CNGA3: variants seen among roughly 807,000 people sequenced by gnomAD.
CNGA3 encodes the protein cyclic nucleotide gated channel subunit alpha 3.
In CNGA3, 42 loss-of-function variants were observed where a neutral mutation model predicts 46.6. The ratio of observed to expected loss-of-function variants is 0.90; its 90% CI spans 0.70 to 1.17. CNGA3 has a LOEUF of 1.17. Among genes scored for constraint, CNGA3 ranks in the 50% most tolerant of loss-of-function variants. CNGA3 has a pLI of 0.00. For missense variants in CNGA3, 893 were observed against 890.7 expected (o/e 1.00, Z -0.03); for synonymous variants, 394 against 369.4 (o/e 1.07, Z -0.76).
intron 1 of CNGA3, chr2:98,355,943 C>G (rs1691869716): frequency 6.6e-6 from 1 of 152,182 alleles, no homozygotes; most frequent in African/African-American, 2.4e-5. Context: ...AGGGTTTTCT[C>G]TCTCCATAAG....
chr2:98,392,576 AAAG>A (rs1692817020), intron 7 of CNGA3, among the ~76,000 whole-genome samples: 1 of 150,818 alleles, frequency 6.6e-6, no homozygotes, highest in Non-Finnish European at 1.5e-5. Flanking sequence ...AAGAAAAAAA[AAAG>A]AAAAGAAAAG....
intron 1 of CNGA3, among the ~76,000 whole-genome samples, chr2:98,357,798 C>T (rs1013855726): frequency 6.6e-6 from 1 of 152,240 alleles, no homozygotes. Context: ...TAGACTCACG[C>T]CTGGGATCCA....
intron 7 of CNGA3, among the ~76,000 whole-genome samples, chr2:98,392,672 G>A (rs564496925): frequency 6.6e-6 from 1 of 152,302 alleles, no homozygotes; most frequent in South Asian, 2.1e-4. Flanking sequence ...CGACACTGGG[G>A]TAAGCAGGAA....
Position 98,389,669 on chromosome 2 carries a change from A to G in CNGA3, c.461A>G (p.Lys154Arg). 1 of 1,613,996 alleles carries G rather than the reference A, an allele frequency of 6.2e-7. No individual in the cohort carries two copies. Among genetic ancestry groups the G allele is most frequent in the Non-Finnish European group, 8.5e-7 (1 of 1,180,002 alleles). Residue 154 changes from lysine (K) to arginine (R), a missense_variant, in exon 6 of 8, where the codon AAA (lysine) becomes AGA (arginine). Lys to Arg is a conservative substitution (Grantham distance 26). Coordinates refer to ENST00000272602, the MANE Select transcript of CNGA3 (RefSeq NM_001298.3). ...GTGTGGGTTTCCAGGAAGAAGACGA[A>G]AAAGAAGGATGCGATCGTGGTGGAC... ...SNNTEEEKKT[K>R]KKDAIVVDPS... is the part of the protein sequence containing the mutation.
intron 1 of CNGA3, among the ~76,000 whole-genome samples, chr2:98,365,210 G>A (rs1692120406): frequency 6.6e-6 from 1 of 152,166 alleles, no homozygotes; most frequent in African/African-American, 2.4e-5. Flanking sequence ...GGGAAGCCGA[G>A]GCAGGCAAAT....
intron 1 of CNGA3, among the ~76,000 whole-genome samples, chr2:98,353,493 G>A (rs1280977581): frequency 6.6e-6 from 1 of 152,140 alleles, no homozygotes; most frequent in African/African-American, 2.4e-5. Flanking sequence ...AGTCAGTGTT[G>A]AGTACAGTCA....
Position 98,397,261 on chromosome 2 carries a change from C to A in CNGA3, c.*6C>A. ...CAGAGGACAAACAACAGTGAAAATG[C>A]AGCATCTGTCTCCTGCTTCACAGGG... On this transcript the variant is annotated 3_prime_UTR_variant, in exon 8 of 8. Coordinates refer to ENST00000272602, the MANE Select transcript of CNGA3 (RefSeq NM_001298.3). The A allele has an allele frequency of 6.2e-7, 1 of 1,613,096 alleles. No homozygotes were observed. Among genetic ancestry groups the A allele is most frequent in the South Asian group, 1.1e-5 (1 of 91,036 alleles).
chr2:98,379,351 C>A (rs1239245379), intron 3 of CNGA3, among the ~76,000 whole-genome samples: 1 of 152,256 alleles, frequency 6.6e-6, no homozygotes, highest in Non-Finnish European at 1.5e-5. Flanking sequence ...GAGGGCACTG[C>A]AGATGCCAAA....
chr2:98,358,159 G>A (rs1406803730), intron 1 of CNGA3, among the ~76,000 whole-genome samples: 1 of 152,196 alleles, frequency 6.6e-6, no homozygotes, highest in Admixed American at 6.5e-5. Flanking sequence ...TATCAAGGCA[G>A]GGCCAGATGT....
intron 2 of CNGA3, among the ~76,000 whole-genome samples, chr2:98,370,731 A>C (rs1482258508): frequency 6.6e-6 from 1 of 152,222 alleles, no homozygotes; most frequent in Non-Finnish European, 1.5e-5. Context: ...TTCACAATGA[A>C]ACAGCATTTT....
chr2:98,388,330 G>A (rs1692702893), intron 5 of CNGA3, among the ~76,000 whole-genome samples: 1 of 152,238 alleles, frequency 6.6e-6, no homozygotes, highest in Non-Finnish European at 1.5e-5. Context: ...AACACGAGGA[G>A]GAAGTACTGA....
intron 7 of CNGA3, among the ~76,000 whole-genome samples, chr2:98,394,260 C>G (rs1405981071): frequency 6.6e-6 from 1 of 152,184 alleles, no homozygotes; most frequent in Non-Finnish European, 1.5e-5. Context: ...TTTCACCCAT[C>G]ATAATGCCCC....
intron 1 of CNGA3, among the ~76,000 whole-genome samples, chr2:98,365,087 A>G (rs62156315): frequency 0.19 from 28,957 of 150,862 alleles, 3,174 homozygotes; most frequent in Non-Finnish European, 0.26. Context: ...ACCCAGGCTG[A>G]AGTGCAGTGG....
chr2:98,378,703 A>G (rs1692469711), intron 3 of CNGA3, among the ~76,000 whole-genome samples: 1 of 152,222 alleles, frequency 6.6e-6, no homozygotes, highest in African/African-American at 2.4e-5. Context: ...TTGATGATAA[A>G]GGAAGAAAGA....
intron 1 of CNGA3, chr2:98,351,048 A>T (rs553838115): frequency 6.6e-6 from 1 of 152,370 alleles, no homozygotes; most frequent in African/African-American, 2.4e-5. Flanking sequence ...CCCTGAGCAC[A>T]ACAGGATACA....
intron 6 of CNGA3, 43 bp downstream of exon 6, chr2:98,389,817 AG>A: frequency 6.5e-7 from 1 of 1,532,352 alleles, no homozygotes; most frequent in African/African-American, 1.4e-5. Context: ...GGGGGAAACC[AG>A]GGCACCAGGC....
intron 2 of CNGA3, 176 bp from the exon 3 acceptor site, chr2:98,377,511 C>A: frequency 4.6e-6 from 3 of 651,336 alleles, no homozygotes; most frequent in Non-Finnish European, 8.2e-6. Flanking sequence ...CACGTTTATA[C>A]CAAAATCCAG....
chr2:98,392,691 C>T (rs1398221933), intron 7 of CNGA3, among the ~76,000 whole-genome samples: 1 of 152,144 alleles, frequency 6.6e-6, no homozygotes, highest in Non-Finnish European at 1.5e-5. Flanking sequence ...AAGGAGAGCT[C>T]AGTCAATCTT....
chr2:98,359,730 C>G (rs576432232), intron 1 of CNGA3, among the ~76,000 whole-genome samples: 1 of 152,216 alleles, frequency 6.6e-6, no homozygotes, highest in East Asian at 1.9e-4. Context: ...TGTCTGTGGA[C>G]GCCCTGGCCA....
Sources: allele counts gnomAD v4.1 joint callset (sites outside exome capture counted in the v4.1 genomes callset), GRCh38; gene constraint gnomAD v4.1.1; transcripts MANE v1.5; gene names NCBI Gene and HGNC (gene_info 2026-07-23, HGNC 2026-07-21).